The following TRHDE variants were observed in gnomAD, a reference collection of about 807,000 sequenced individuals.
TRHDE encodes the protein thyrotropin releasing hormone degrading enzyme, also known as thyrotropin-releasing hormone-degrading ectoenzyme.
Under a neutral mutation model 125.7 loss-of-function variants are expected in TRHDE, and 72 were observed. The ratio of observed to expected loss-of-function variants is 0.57; its 90% CI spans 0.47 to 0.70. TRHDE has a LOEUF of 0.70. Among genes scored for constraint, TRHDE ranks in the 30% least tolerant of loss-of-function variants. The probability of loss-of-function intolerance (pLI) is 0.00; values close to 1 mark genes in which losing one functional copy is unlikely to be tolerated. For missense variants in TRHDE, 1,110 were observed against 1,327.1 expected, an observed-to-expected ratio of 0.84 and a Z score of 2.54; for synonymous variants, 509 against 509.1, an observed-to-expected ratio of 1.00 and a Z score of 0.00.
At chr12:72,597,753 ATATATG>A (rs1262891978) in intron 12 of TRHDE, among the ~76,000 whole-genome samples, 2,358 of 13,864 alleles carry the variant, frequency 0.17, 182 homozygotes, top group Non-Finnish European at 0.25. Flanking sequence ...ATATATATAT[ATATATG>A]CATACACACA....
At chr12:72,226,829 G>T (rs1338318494) in intron 2 of TRHDE, among the ~76,000 whole-genome samples, 1 of 152,134 alleles carries the variant, frequency 6.6e-6, no homozygotes, top group African/African-American at 2.4e-5. Context: ...ACAGATTTTT[G>T]TTACGATTCT....
chr12:72,381,752 G>A (rs1872196216), intron 3 of TRHDE, among the ~76,000 whole-genome samples: 1 of 152,168 alleles, frequency 6.6e-6, no homozygotes, highest in African/African-American at 2.4e-5. Context: ...AGGCATCTAG[G>A]GCAATTCCAA....
chr12:72,593,687 C>T (rs1871793720), intron 12 of TRHDE, among the ~76,000 whole-genome samples: 1 of 152,004 alleles, frequency 6.6e-6, no homozygotes. Flanking sequence ...TGCTGACAGG[C>T]CCTGTGTGTA....
chr12:72,659,988 T>C (rs915686987), intron 18 of TRHDE, among the ~76,000 whole-genome samples: 5 of 151,790 alleles, frequency 3.3e-5, no homozygotes, highest in African/African-American at 1.2e-4. Context: ...AGACCGGTGG[T>C]GGCCCCAAAT....
intron 2 of TRHDE, among the ~76,000 whole-genome samples, chr12:72,351,028 G>T (rs1870558270): frequency 6.6e-6 from 1 of 151,970 alleles, no homozygotes; most frequent in Non-Finnish European, 1.5e-5. Context: ...ATGTGTTTGA[G>T]TTTCTGTCAT....
intron 2 of TRHDE, among the ~76,000 whole-genome samples, chr12:72,304,584 CT>C (rs778000975): frequency 1.3e-5 from 2 of 152,124 alleles, no homozygotes; most frequent in African/African-American, 2.4e-5. Context: ...CCTAGTTAAG[CT>C]TTATTTATCA....
intron 7 of TRHDE, among the ~76,000 whole-genome samples, chr12:72,547,215 T>G (rs1341132746): frequency 2.0e-5 from 3 of 151,658 alleles, no homozygotes; most frequent in Admixed American, 2.0e-4. Context: ...TCTTCCTTAA[T>G]ATTGTATTAA....
chr12:72,532,007 T>C (rs538929235), intron 6 of TRHDE, among the ~76,000 whole-genome samples: 2 of 152,094 alleles, frequency 1.3e-5, no homozygotes, highest in Non-Finnish European at 2.9e-5. Flanking sequence ...TTTTGAGAAG[T>C]TTGCAGGTTA....
chr12:72,523,751 T>G (rs945351285), intron 6 of TRHDE, among the ~76,000 whole-genome samples: 3 of 152,176 alleles, frequency 2.0e-5, no homozygotes, highest in African/African-American at 4.8e-5. Flanking sequence ...AATAAGACTG[T>G]ATTTGCTTGT....
At chr12:72,319,128 G>A (rs1046273268) in intron 2 of TRHDE, among the ~76,000 whole-genome samples, 1 of 152,140 alleles carries the variant, frequency 6.6e-6, no homozygotes, top group African/African-American at 2.4e-5. Flanking sequence ...GCACATGTCA[G>A]GGGAGACATT....
At chr12:72,655,900 C>A (rs534515420) in intron 17 of TRHDE, among the ~76,000 whole-genome samples, 86 of 152,172 alleles carry the variant, frequency 5.7e-4, no homozygotes, top group Non-Finnish European at 1.3e-4. Context: ...AGAATTACAA[C>A]AAATCTCAGT....
chr12:72,238,463 T>C (rs1878407721), intron 2 of TRHDE, among the ~76,000 whole-genome samples: 1 of 149,796 alleles, frequency 6.7e-6, no homozygotes, highest in Non-Finnish European at 1.5e-5. Flanking sequence ...TACATAGGTA[T>C]GCACGTGCCA....
At chr12:72,091,859 C>T (rs532279312) in intron 1 of TRHDE, among the ~76,000 whole-genome samples, 8 of 152,268 alleles carry the variant, frequency 5.3e-5, no homozygotes, top group Middle Eastern at 6.8e-3. Flanking sequence ...CAATAGTTAC[C>T]TCCTCCTCCT....
chr12:72,482,508 TA>T, intron 5 of TRHDE, among the ~76,000 whole-genome samples: 1 of 152,106 alleles, frequency 6.6e-6, no homozygotes, highest in African/African-American at 2.4e-5. Flanking sequence ...CAGATTAACC[TA>T]GTTACAATGG....
intron 2 of TRHDE, among the ~76,000 whole-genome samples, chr12:72,151,417 A>AT (rs2139321401): frequency 6.6e-6 from 1 of 152,190 alleles, no homozygotes; most frequent in African/African-American, 2.4e-5. Context: ...CCATTTGTCA[A>AT]TTTTGGCTTC....
At chr12:72,161,128 G>A (rs1037332691) in intron 2 of TRHDE, among the ~76,000 whole-genome samples, 1 of 152,100 alleles carries the variant, frequency 6.6e-6, no homozygotes, top group East Asian at 1.9e-4. Context: ...TGTGTTATTA[G>A]TTGTAGCAAA....
chr12:72,390,758 T>C (rs1252087712), intron 3 of TRHDE, among the ~76,000 whole-genome samples: 1 of 152,224 alleles, frequency 6.6e-6, no homozygotes, highest in Admixed American at 6.5e-5. Context: ...TAAGTGGTTA[T>C]TATAATCAGG....
At chr12:72,142,787 A>T (rs1322702880) in intron 2 of TRHDE, among the ~76,000 whole-genome samples, 1 of 152,068 alleles carries the variant, frequency 6.6e-6, no homozygotes, top group Non-Finnish European at 1.5e-5. Flanking sequence ...CTGGACGCCA[A>T]GAGGAGTTCA....
chr12:72,537,149 A>G (rs1868904920), intron 6 of TRHDE, among the ~76,000 whole-genome samples: 3 of 152,086 alleles, frequency 2.0e-5, no homozygotes, highest in Admixed American at 1.3e-4. Flanking sequence ...GACCTGATAA[A>G]TAAAGATAGT....
Sources: gnomAD v4.1 joint callset for allele counts (sites outside exome capture counted in the v4.1 genomes callset) on GRCh38, gnomAD v4.1.1 for gene constraint, MANE v1.5 for transcripts, NCBI Gene and HGNC (gene_info 2026-07-23, HGNC 2026-07-21) for gene names.